Variants in ADARB2 observed in about 807,000 individuals in gnomAD.
The protein encoded by ADARB2 is adenosine deaminase RNA specific B2 (inactive).
In ADARB2, 25 loss-of-function variants were observed where a neutral mutation model predicts 62.2. The ratio of observed to expected loss-of-function variants is 0.40; its 90% CI spans 0.29 to 0.56. ADARB2 has a LOEUF of 0.56. Among genes scored for constraint, ADARB2 ranks in the 20% least tolerant of loss-of-function variants. ADARB2 has a pLI of 0.43. For missense variants in ADARB2, 1,071 were observed against 1,077.4 expected, an observed-to-expected ratio of 0.99 and a Z score of 0.08; for synonymous variants, 572 against 500.8, an observed-to-expected ratio of 1.14 and a Z score of -1.90.
chr10:1,351,846 A>G (rs4880828), intron 3 of ADARB2, among the ~76,000 whole-genome samples: 44,839 of 150,694 alleles, frequency 0.3, 7,310 homozygotes, highest in Middle Eastern at 0.4. Flanking sequence ...AAAACCAGAC[A>G]AGGCTTACAG....
chr10:1,360,798 C>T (rs1190027635), intron 3 of ADARB2, among the ~76,000 whole-genome samples: 7 of 152,206 alleles, frequency 4.6e-5, no homozygotes, highest in South Asian at 2.1e-4. Flanking sequence ...AATAATTTAG[C>T]GGCCATGGCT....
chr10:1,661,166 C>G (rs979072716), intron 1 of ADARB2, among the ~76,000 whole-genome samples: 4 of 152,162 alleles, frequency 2.6e-5, no homozygotes, highest in Admixed American at 1.3e-4. Flanking sequence ...GGTTTATTTT[C>G]CAAAATAAAC....
intron 1 of ADARB2, among the ~76,000 whole-genome samples, chr10:1,691,344 A>G (rs1370723722): frequency 6.6e-6 from 1 of 152,146 alleles, no homozygotes. Flanking sequence ...ATGCATTTGC[A>G]TTGGTTAAGC....
chr10:1,485,994 C>A (rs932534376), intron 1 of ADARB2, among the ~76,000 whole-genome samples: 1 of 152,198 alleles, frequency 6.6e-6, no homozygotes, highest in Non-Finnish European at 1.5e-5. Context: ...GAATTAAAAT[C>A]TATTTCAGCT....
intron 1 of ADARB2, among the ~76,000 whole-genome samples, chr10:1,610,661 T>C (rs1392274882): frequency 1.3e-5 from 2 of 151,730 alleles, no homozygotes; most frequent in Non-Finnish European, 2.9e-5. Flanking sequence ...CCATCCGGGG[T>C]CTTTTAGTTT....
Position 1,685,965 on chromosome 10 carries a change from A to G in ADARB2, c.100+51086T>C, listed in dbSNP as rs571451616. ...AATGTGGACTCTGCCTGGCTTGGAC[A>G]CTCCCACACCCACTCCAGTGGCTCA... On this transcript the variant is annotated intron_variant, in intron 1 of 9. Coordinates refer to ENST00000381312, the MANE Select transcript of ADARB2 (RefSeq NM_018702.4). Among the ~76,000 whole-genome samples, 3 of 152,036 alleles carry G rather than the reference A, an allele frequency of 2.0e-5. No homozygotes were observed. In the South Asian group the frequency reaches 6.2e-4, roughly 32 times the overall value.
At position 1,464,236 on chromosome 10, in the gene ADARB2, C is replaced by T. The variant is rs1329112562; in HGVS notation, c.101-85076G>A. On this transcript the variant is annotated intron_variant, in intron 1 of 9. Coordinates refer to ENST00000381312, the MANE Select transcript of ADARB2 (RefSeq NM_018702.4). Reference sequence around the variant, plus strand: ...ACACACGCGCTGGGGACAGTCACAGCGGGCAGTGCGCCGGAGAAGAGGGTG... The same window carrying T: ...ACACACGCGCTGGGGACAGTCACAGTGGGCAGTGCGCCGGAGAAGAGGGTG... Among the ~76,000 whole-genome samples, 28 of 122,868 alleles carry T rather than the reference C, an allele frequency of 2.3e-4. 1 individual carries two copies. Among genetic ancestry groups the T allele is most frequent in the African/African-American group, 6.9e-4 (23 of 33,338 alleles). 80.6% of individuals were successfully genotyped at this position (122,868 alleles called of 152,430 possible).
At chr10:1,289,362 C>A (rs1199622293) in intron 3 of ADARB2, among the ~76,000 whole-genome samples, 3 of 152,238 alleles carry the variant, frequency 2.0e-5, no homozygotes, top group Admixed American at 1.3e-4. Flanking sequence ...GGCGTCAGGA[C>A]CTCCTGAGGC....
intron 3 of ADARB2, among the ~76,000 whole-genome samples, chr10:1,295,947 G>T (rs1461797243): frequency 6.6e-6 from 1 of 152,310 alleles, no homozygotes; most frequent in Non-Finnish European, 1.5e-5. Flanking sequence ...GCAAGCATTT[G>T]CTCCTCACTC....
intron 7 of ADARB2, among the ~76,000 whole-genome samples, chr10:1,202,847 C>G (rs1486892762): frequency 6.6e-6 from 1 of 152,220 alleles, no homozygotes; most frequent in African/African-American, 2.4e-5. Flanking sequence ...GTGTTAGAGG[C>G]CGTCAGAGCA....
intron 1 of ADARB2, chr10:1,676,196 G>T: frequency 3.9e-6 from 1 of 259,506 alleles, no homozygotes; most frequent in Non-Finnish European, 6.0e-6. Flanking sequence ...TATTAGAGAG[G>T]CTCAAAGTCC....
chr10:1,433,090 C>A (rs1471135124), intron 1 of ADARB2, among the ~76,000 whole-genome samples: 2 of 152,136 alleles, frequency 1.3e-5, no homozygotes, highest in Admixed American at 6.5e-5. Context: ...CATGTCAACT[C>A]CGATGTAAGC....
At chr10:1,205,177 G>C (rs924144428) in intron 7 of ADARB2, among the ~76,000 whole-genome samples, 4 of 152,228 alleles carry the variant, frequency 2.6e-5, no homozygotes, top group African/African-American at 7.2e-5. Context: ...GCTGCCCGGG[G>C]GCTGCCTCGG....
At position 1,326,459 on chromosome 10, in the gene ADARB2, C is replaced by G. The variant is rs182817676; in HGVS notation, c.1077+36569G>C. ...GGCGAGACCCCACGAGGGAGATGACCCTGTGCTAATTCCGTTTCTGTCACT... is the reference window on the plus strand; with the variant it reads ...GGCGAGACCCCACGAGGGAGATGACGCTGTGCTAATTCCGTTTCTGTCACT... On this transcript the variant is annotated intron_variant, in intron 3 of 9. Coordinates refer to ENST00000381312, the MANE Select transcript of ADARB2 (RefSeq NM_018702.4). Among the ~76,000 whole-genome samples, 3 of 152,166 alleles carry G rather than the reference C, an allele frequency of 2.0e-5. No individual in the cohort carries two copies. In the East Asian group the frequency reaches 5.8e-4, roughly 29 times the overall value.
At chr10:1,558,215 T>C (rs1167083505) in intron 1 of ADARB2, among the ~76,000 whole-genome samples, 1 of 151,814 alleles carries the variant, frequency 6.6e-6, no homozygotes, top group African/African-American at 2.4e-5. Context: ...TAAATCTTCA[T>C]CCCACCTCTG....
chr10:1,689,817 G>A (rs1834646075), intron 1 of ADARB2, among the ~76,000 whole-genome samples: 1 of 152,192 alleles, frequency 6.6e-6, no homozygotes, highest in Admixed American at 6.5e-5. Context: ...GAGATACATG[G>A]ATTTCAGATT....
At chr10:1,277,798 C>G (rs1036151022) in intron 3 of ADARB2, among the ~76,000 whole-genome samples, 4 of 151,982 alleles carry the variant, frequency 2.6e-5, no homozygotes, top group Non-Finnish European at 5.9e-5. Flanking sequence ...AGAGACACAA[C>G]AAAAAAAGAG....
chr10:1,186,328 C>T (rs1370227827), intron 8 of ADARB2, among the ~76,000 whole-genome samples: 1 of 152,218 alleles, frequency 6.6e-6, no homozygotes, highest in Non-Finnish European at 1.5e-5. Flanking sequence ...TTGGCCCTGT[C>T]TCTGCTCAGA....
chr10:1,451,309 T>C (rs1831034605), intron 1 of ADARB2, among the ~76,000 whole-genome samples: 1 of 152,178 alleles, frequency 6.6e-6, no homozygotes, highest in African/African-American at 2.4e-5. Flanking sequence ...AGGAGCGGTG[T>C]TTATCCTCTG....
Sources: gnomAD v4.1 joint callset for allele counts (sites outside exome capture counted in the v4.1 genomes callset) on GRCh38, gnomAD v4.1.1 for gene constraint, MANE v1.5 for transcripts, NCBI Gene and HGNC (gene_info 2026-07-23, HGNC 2026-07-21) for gene names.